The following POC5 variants were observed in gnomAD, a reference collection of about 807,000 sequenced individuals.
The protein encoded by POC5 is centrosomal protein POC5.
A neutral mutation model predicts 62.9 loss-of-function variants in POC5; 48 were observed. That is an observed-to-expected ratio of 0.76 (90% CI 0.61 to 0.97). The LOEUF (loss-of-function observed/expected upper bound fraction) is 0.97, where lower values mean the gene tolerates loss of function less well. Among genes scored for constraint, POC5 ranks in the 50% least tolerant of loss-of-function variants. POC5 has a pLI of 0.00. For missense variants in POC5, 696 were observed against 679.5 expected, an observed-to-expected ratio of 1.02 and a Z score of -0.27; for synonymous variants, 236 against 228.2, an observed-to-expected ratio of 1.03 and a Z score of -0.31.
intron 6 of POC5, among the ~76,000 whole-genome samples, chr5:75,694,227 C>G (rs1254564976): frequency 6.6e-6 from 1 of 151,958 alleles, no homozygotes; most frequent in Non-Finnish European, 1.5e-5. Flanking sequence ...TAAAATGACC[C>G]CTAAAAGGAT....
chr5:75,686,441 G>C (rs1776101895), intron 9 of POC5, among the ~76,000 whole-genome samples: 1 of 152,176 alleles, frequency 6.6e-6, no homozygotes, highest in African/African-American at 2.4e-5. Flanking sequence ...TAGACTATCT[G>C]TATAGAAAAT....
At chr5:75,714,144 C>T (rs1033864611) in intron 1 of POC5, among the ~76,000 whole-genome samples, 11 of 152,176 alleles carry the variant, frequency 7.2e-5, no homozygotes, top group Non-Finnish European at 1.5e-4. Flanking sequence ...CTTTGGGAGG[C>T]TGAGGTAGGT....
chr5:75,692,183 T>G (rs1458977711), intron 7 of POC5, among the ~76,000 whole-genome samples: 1 of 152,184 alleles, frequency 6.6e-6, no homozygotes, highest in African/African-American at 2.4e-5. Flanking sequence ...CAGGAAATGA[T>G]GTATCTATTG....
At chr5:75,712,376 C>A (rs767556090) in intron 2 of POC5, 3 of 1,602,050 alleles carry the variant, frequency 1.9e-6, no homozygotes, top group South Asian at 2.2e-5. Context: ...GTTAACTGAC[C>A]CACTTCATTT....
chr5:75,702,235 C>T (rs1333022512), intron 5 of POC5, among the ~76,000 whole-genome samples: 1 of 152,014 alleles, frequency 6.6e-6, no homozygotes, highest in African/African-American at 2.4e-5. Context: ...ACCTAGATGA[C>T]AGGTTGATAG....
chr5:75,691,928 T>A (rs1216288870), intron 7 of POC5, among the ~76,000 whole-genome samples: 1 of 152,200 alleles, frequency 6.6e-6, no homozygotes, highest in Non-Finnish European at 1.5e-5. Flanking sequence ...TGTACAGGTA[T>A]GGCTTTCTCT....
At chr5:75,706,612 G>A (rs1777132603) in intron 3 of POC5, among the ~76,000 whole-genome samples, 3 of 151,316 alleles carry the variant, frequency 2.0e-5, no homozygotes, top group Non-Finnish European at 4.4e-5. Flanking sequence ...TGCCTAGGCT[G>A]AAGTGCAGTG....
chr5:75,687,256 T>G (rs145964034), intron 9 of POC5, among the ~76,000 whole-genome samples: 9,688 of 152,196 alleles, frequency 0.064, 491 homozygotes, highest in East Asian at 0.29. Context: ...CGTCTCGATC[T>G]CCTGACCTCG....
At chr5:75,705,596 C>A (rs1410541510) in intron 4 of POC5, 108 bp downstream of exon 4, 8 of 632,050 alleles carry the variant, frequency 1.3e-5, no homozygotes, top group Admixed American at 3.7e-5. Context: ...ATTTTAAAAT[C>A]CTGCTAATAA....
chr5:75,705,596 C>T, intron 4 of POC5, 108 bp downstream of exon 4: 1 of 632,054 alleles, frequency 1.6e-6, no homozygotes, highest in Non-Finnish European at 2.5e-6. Flanking sequence ...ATTTTAAAAT[C>T]CTGCTAATAA....
At chr5:75,688,909 C>A in intron 9 of POC5, 103 bp downstream of exon 9, 1 of 1,131,308 alleles carries the variant, frequency 8.8e-7, no homozygotes. Context: ...CTGGATGAAA[C>A]ATACCTACTG....
chr5:75,704,148 T>C (rs1777021906), intron 4 of POC5, among the ~76,000 whole-genome samples: 1 of 140,058 alleles, frequency 7.1e-6, no homozygotes, highest in Admixed American at 7.1e-5. Flanking sequence ...AGCGAGACTC[T>C]GTCTCAAAAA....
At chr5:75,690,013 G>A (rs191585993) in intron 8 of POC5, among the ~76,000 whole-genome samples, 4 of 152,276 alleles carry the variant, frequency 2.6e-5, no homozygotes, top group Non-Finnish European at 5.9e-5. Flanking sequence ...AGCCTCCCGA[G>A]TAGCGGGTAT....
chr5:75,711,083 T>A (rs1348398931), intron 2 of POC5, among the ~76,000 whole-genome samples: 1 of 152,208 alleles, frequency 6.6e-6, no homozygotes, highest in Non-Finnish European at 1.5e-5. Flanking sequence ...ATATTCCAAC[T>A]TATTTCAAGA....
At chr5:75,691,735 T>C (rs150196143) in intron 7 of POC5, among the ~76,000 whole-genome samples, 1 of 152,282 alleles carries the variant, frequency 6.6e-6, no homozygotes, top group African/African-American at 2.4e-5. Context: ...ATCTCCTATA[T>C]TCATGTGTCT....
At chr5:75,710,146 G>A (rs1777283212) in intron 2 of POC5, among the ~76,000 whole-genome samples, 1 of 152,256 alleles carries the variant, frequency 6.6e-6, no homozygotes, top group South Asian at 2.1e-4. Flanking sequence ...AAGAGAGAAG[G>A]GATTGGGTCC....
intron 10 of POC5, among the ~76,000 whole-genome samples, chr5:75,679,217 C>G (rs1775785320): frequency 6.6e-6 from 1 of 152,084 alleles, no homozygotes; most frequent in Non-Finnish European, 1.5e-5. Context: ...AAACCAAAAC[C>G]AGCTTTGGAC....
At chr5:75,703,054 C>T (rs1776956471) in intron 4 of POC5, among the ~76,000 whole-genome samples, 1 of 152,166 alleles carries the variant, frequency 6.6e-6, no homozygotes. Context: ...TGACCTCTAT[C>T]CCAGATAAGG....
In POC5 at chr5:75,686,643, G is replaced by A. The variant is rs189954064; in HGVS notation, c.1130-1159C>T. 2.6e-5 allele frequency among the ~76,000 whole-genome samples: 4 copies of A among 152,312 alleles called. No homozygotes were observed. The East Asian group carries it at 7.7e-4, about 29-fold the overall frequency. ...GAGTGTCTATCTTTAGATGGTGGCA[G>A]ACATTAGGAGATGTAGAAACAGTAT... On this transcript the variant is annotated intron_variant, in intron 9 of 11. Coordinates refer to ENST00000428202, the MANE Select transcript of POC5 (RefSeq NM_001099271.2).
Sources: gnomAD v4.1 joint callset for allele counts (sites outside exome capture counted in the v4.1 genomes callset) on GRCh38, gnomAD v4.1.1 for gene constraint, MANE v1.5 for transcripts, NCBI Gene and HGNC (gene_info 2026-07-23, HGNC 2026-07-21) for gene names.